HS6ST3: variants seen among roughly 807,000 people sequenced by gnomAD.
The protein encoded by HS6ST3 is heparan-sulfate 6-O-sulfotransferase 3.
In HS6ST3, 12 loss-of-function variants were observed where a neutral mutation model predicts 36.7. The observed-to-expected ratio is 0.33, with a 90% CI of 0.21 to 0.53. The LOEUF (loss-of-function observed/expected upper bound fraction) is 0.53, where lower values mean the gene tolerates loss of function less well. HS6ST3 is among the 20% of genes least tolerant of loss of function. The pLI, the probability that HS6ST3 is intolerant of heterozygous loss-of-function variation, is 0.95. For missense variants in HS6ST3, 584 were observed against 640.9 expected (o/e 0.91, Z 0.96); for synonymous variants, 240 against 257.5 (o/e 0.93, Z 0.65).
intron 1 of HS6ST3, among the ~76,000 whole-genome samples, chr13:96,099,388 T>A (rs1024423333): frequency 6.6e-6 from 1 of 152,226 alleles, no homozygotes; most frequent in Admixed American, 6.5e-5. Flanking sequence ...AAAGTCAATG[T>A]TAATTCTTAG....
intron 1 of HS6ST3, among the ~76,000 whole-genome samples, chr13:96,336,093 T>G (rs190619549): frequency 6.6e-6 from 1 of 152,310 alleles, no homozygotes; most frequent in East Asian, 1.9e-4. Context: ...TAGAGAGTAT[T>G]ACATTATTAT....
At chr13:96,297,313 T>C (rs544477693) in intron 1 of HS6ST3, among the ~76,000 whole-genome samples, 32 of 152,286 alleles carry the variant, frequency 2.1e-4, no homozygotes, top group Admixed American at 4.6e-4. Flanking sequence ...ACTGTGCACA[T>C]TGAGGTGGTT....
chr13:96,537,885 T>C (rs1005991565), intron 1 of HS6ST3, among the ~76,000 whole-genome samples: 1 of 152,026 alleles, frequency 6.6e-6, no homozygotes, highest in African/African-American at 2.4e-5. Flanking sequence ...CAGGGTAAAA[T>C]AGAGATTCAT....
chr13:96,629,802 A>G (rs1247346867), intron 1 of HS6ST3, among the ~76,000 whole-genome samples: 3 of 151,970 alleles, frequency 2.0e-5, no homozygotes, highest in East Asian at 1.9e-4. Flanking sequence ...ACATTTTTCA[A>G]TGATTTGCTA....
intron 1 of HS6ST3, among the ~76,000 whole-genome samples, chr13:96,744,047 A>G (rs1294857670): frequency 1.3e-5 from 2 of 152,076 alleles, no homozygotes; most frequent in African/African-American, 4.8e-5. Flanking sequence ...CATTTAAAGA[A>G]TATTTCTATA....
intron 1 of HS6ST3, among the ~76,000 whole-genome samples, chr13:96,184,825 A>C (rs976920623): frequency 6.6e-6 from 1 of 151,526 alleles, no homozygotes; most frequent in East Asian, 1.9e-4. Flanking sequence ...TTCTTGTTTG[A>C]TTGATTATTG....
At chr13:96,642,423 T>C (rs1192054398) in intron 1 of HS6ST3, among the ~76,000 whole-genome samples, 3 of 151,856 alleles carry the variant, frequency 2.0e-5, no homozygotes, top group African/African-American at 7.2e-5. Context: ...TAGATTTATA[T>C]TTCCCATCAA....
chr13:96,503,145 C>A (rs1397036197), intron 1 of HS6ST3, among the ~76,000 whole-genome samples: 1 of 152,042 alleles, frequency 6.6e-6, no homozygotes, highest in African/African-American at 2.4e-5. Context: ...TGTATTATTG[C>A]TTGTTTTCTA....
chr13:96,399,899 G>GTGA (rs1428067356), intron 1 of HS6ST3, among the ~76,000 whole-genome samples: 4 of 152,214 alleles, frequency 2.6e-5, no homozygotes, highest in Non-Finnish European at 5.9e-5. Flanking sequence ...TGCTATTGAA[G>GTGA]TCTTTTCCTC....
intron 1 of HS6ST3, among the ~76,000 whole-genome samples, chr13:96,248,532 T>C (rs951494612): frequency 1.3e-5 from 2 of 152,228 alleles, no homozygotes; most frequent in Admixed American, 1.3e-4. Flanking sequence ...AAGGTTTCTT[T>C]GTGTACTGCA....
intron 1 of HS6ST3, among the ~76,000 whole-genome samples, chr13:96,509,794 T>A (rs1202040461): frequency 6.6e-6 from 1 of 152,236 alleles, no homozygotes; most frequent in Non-Finnish European, 1.5e-5. Flanking sequence ...TCCAGATTTG[T>A]TCCTTTTCCT....
At chr13:96,552,352 G>C (rs1239092807) in intron 1 of HS6ST3, among the ~76,000 whole-genome samples, 1 of 152,210 alleles carries the variant, frequency 6.6e-6, no homozygotes, top group African/African-American at 2.4e-5. Flanking sequence ...CACAGGGGCA[G>C]CTATGGACAG....
chr13:96,119,978 T>G (rs2139305641), intron 1 of HS6ST3, among the ~76,000 whole-genome samples: 1 of 152,220 alleles, frequency 6.6e-6, no homozygotes, highest in Admixed American at 6.5e-5. Flanking sequence ...CCCCTAGTAC[T>G]TCAGAATGTG....
chr13:96,621,626 C>T (rs2056495471), intron 1 of HS6ST3, among the ~76,000 whole-genome samples: 1 of 152,148 alleles, frequency 6.6e-6, no homozygotes, highest in African/African-American at 2.4e-5. Flanking sequence ...TATTACCAAC[C>T]CAAACGCTCC....
intron 1 of HS6ST3, among the ~76,000 whole-genome samples, chr13:96,249,160 C>T (rs1330917542): frequency 6.6e-6 from 1 of 152,184 alleles, no homozygotes; most frequent in African/African-American, 2.4e-5. Context: ...TGTTCTCTTT[C>T]ATATCCTCCT....
At chr13:96,132,143 C>T (rs1234758411) in intron 1 of HS6ST3, among the ~76,000 whole-genome samples, 2 of 145,304 alleles carry the variant, frequency 1.4e-5, no homozygotes, top group Non-Finnish European at 3.0e-5. Context: ...CACACACACA[C>T]ACACACACAC....
intron 1 of HS6ST3, among the ~76,000 whole-genome samples, chr13:96,789,316 C>G (rs1324744203): frequency 6.6e-6 from 1 of 151,678 alleles, no homozygotes; most frequent in Non-Finnish European, 1.5e-5. Context: ...GCCCTTCTCC[C>G]TTTATTTTGT....
intron 1 of HS6ST3, among the ~76,000 whole-genome samples, chr13:96,166,001 A>G (rs1246073024): frequency 6.6e-6 from 1 of 151,702 alleles, no homozygotes; most frequent in South Asian, 2.1e-4. Context: ...GCTGAAACAA[A>G]GGATGGAAGG....
At position 96,832,995 on chromosome 13, in the gene HS6ST3, A is replaced by G. The variant is rs1369357269; in HGVS notation, c.1213A>G (p.Met405Val). The G allele has an allele frequency of 6.2e-7, 1 of 1,614,134 alleles. No homozygotes were observed. Among genetic ancestry groups the G allele is most frequent in the Non-Finnish European group, 8.5e-7 (1 of 1,180,006 alleles). Residue 405 changes from methionine (M) to valine (V), a missense_variant, in exon 2 of 2, where the codon ATG becomes GTG. Physicochemically the swap from Met to Val is conservative, Grantham distance 21. Around this residue, in one of 3 missense-constraint regions of HS6ST3, gnomAD observed 360 missense variants for 411.3 expected, o/e 0.88. Coordinates refer to ENST00000376705, the MANE Select transcript of HS6ST3 (RefSeq NM_153456.4). ...QRIEDLNFLDMQLYEYAKDLF... is the reference protein window; with the variant it reads ...QRIEDLNFLDVQLYEYAKDLF... ...CATTGAGGATCTAAACTTCCTGGAC[A>G]TGCAGCTTTACGAGTATGCAAAAGA...
Sources: allele counts gnomAD v4.1 joint callset (sites outside exome capture counted in the v4.1 genomes callset), GRCh38; gene constraint gnomAD v4.1.1; regional missense constraint gnomAD v4.1.1; transcripts MANE v1.5; gene names NCBI Gene and HGNC (gene_info 2026-07-23, HGNC 2026-07-21).